PKD1: variants seen among roughly 807,000 people sequenced by gnomAD.
The protein encoded by PKD1 is polycystin 1, transient receptor potential channel interacting.
In PKD1, 81 loss-of-function variants were observed where a neutral mutation model predicts 361.7. The observed-to-expected ratio is 0.22, with a 90% CI of 0.19 to 0.27. The LOEUF (loss-of-function observed/expected upper bound fraction) is 0.27, where lower values mean the gene tolerates loss of function less well. Ranked by LOEUF, PKD1 falls within the 10% of genes least tolerant of loss-of-function variation. PKD1 has a pLI of 1.00. For missense variants in PKD1, 6,399 were observed against 6,118.3 expected, an observed-to-expected ratio of 1.05 and a Z score of -1.53; for synonymous variants, 3,615 against 2,818.3, an observed-to-expected ratio of 1.28 and a Z score of -8.95.
rs759320714 is a variant in PKD1 at position 2,105,958 on chromosome 16, C to T, written c.7770G>A (p.Gly2590=). The T allele has an allele frequency of 1.3e-6, 2 of 1,599,782 alleles. No individual in the cohort carries two copies. Among genetic ancestry groups the T allele is most frequent in the Non-Finnish European group, 1.7e-6 (2 of 1,179,586 alleles). ...SATGLTVWLH[G]LTASVLPGLL... is the part of the protein sequence containing the mutation. ...GCCCTGGGAGCACACTAGCGGTGAG[C>T]CCGTGCAGCCAGACTGTGAGCCCCG... The change falls in exon 20 of 46, where the codon GGG becomes GGA. Residue 2590 remains glycine (G), a synonymous_variant. Transcript: ENST00000262304.
chr16:2,129,539 TG>T (rs2092842988), intron 1 of PKD1, among the ~76,000 whole-genome samples: 1 of 141,654 alleles, frequency 7.1e-6, no homozygotes, highest in African/African-American at 2.7e-5. Context: ...TCAGATCCTG[TG>T]ATTTTTTTTT....
intron 1 of PKD1, among the ~76,000 whole-genome samples, chr16:2,124,850 C>T (rs1190795221): frequency 6.6e-6 from 1 of 152,208 alleles, no homozygotes; most frequent in Non-Finnish European, 1.5e-5. Flanking sequence ...GCTCCTCCCT[C>T]GGCAGGGGCA....
Position 2,094,192 on chromosome 16 carries a change from C to T in PKD1, c.10518G>A (p.Glu3506=). ...LLSSLSSTPG[E]KTETLALQRL... ...TCTGCAGCGCCAGCGTCTCTGTCTT[C>T]TCCCCAGGAGTGCTGGACCTGAGGG... Residue 3506 remains glutamate, a synonymous_variant, in exon 35 of 46, where the codon GAG becomes GAA. Coordinates refer to ENST00000262304, the MANE Select transcript of PKD1 (RefSeq NM_001009944.3). 2 of 1,604,964 alleles carry T rather than the reference C, an allele frequency of 1.2e-6. No individual in the cohort carries two copies. Among genetic ancestry groups the T allele is most frequent in the Non-Finnish European group, 8.5e-7 (1 of 1,174,298 alleles).
Position 2,093,854 on chromosome 16 carries a change from C to A in PKD1, c.10778G>T (p.Ser3593Ile), listed in dbSNP as rs767538034. The A allele has an allele frequency of 1.9e-6, 3 of 1,567,154 alleles. No homozygotes were observed. The highest frequency in any genetic ancestry group is 1.7e-6 in the Non-Finnish European group (2 of 1,162,298). ...GAGGAATGAGGCCAGGAAGCTGGCG[C>A]TGCTGGACAGGAGCCACGCAACACT... ...GVSVAWLLSSSASFLASFLGW... is the reference protein window; with the variant it reads ...GVSVAWLLSSIASFLASFLGW... The change falls in exon 36 of 46, where the codon AGC becomes ATC. Residue 3593 changes from serine to isoleucine, a missense_variant. Ser to Ile is a moderately radical substitution (Grantham distance 142, BLOSUM62 -2). Transcript: ENST00000262304.
chr16:2,125,407 G>A (rs2058475859), intron 1 of PKD1, among the ~76,000 whole-genome samples: 1 of 152,192 alleles, frequency 6.6e-6, no homozygotes, highest in Admixed American at 6.5e-5. Flanking sequence ...CACGGGGTGT[G>A]AGACTAGCTG....
rs766156519 is a variant in PKD1 at position 2,090,603 on chromosome 16, C to T, written c.12139-13G>A. 68 of 1,607,712 alleles carry T rather than the reference C, an allele frequency of 4.2e-5. 1 individual carries two copies. Among genetic ancestry groups the T allele is most frequent in the South Asian group, 6.6e-5 (6 of 91,004 alleles). ...AGGAAGACACGAGCTGCGGGGAAGG[C>T]GACACCAGTGAGGGCGTACAGCTGA... On this transcript the variant is annotated splice_polypyrimidine_tract_variant and intron_variant, in intron 44 of 45. Transcript: ENST00000262304.
intron 1 of PKD1, among the ~76,000 whole-genome samples, chr16:2,127,036 T>G (rs970934839): frequency 6.6e-6 from 1 of 151,772 alleles, no homozygotes; most frequent in African/African-American, 2.4e-5. Context: ...CTCATAGAGA[T>G]GCCCTGGCCT....
chr16:2,111,493 T>A lies in PKD1; in HGVS notation c.3674A>T (p.Gln1225Leu), dbSNP rs906653147. 2 of 1,611,046 alleles carry A rather than the reference T, an allele frequency of 1.2e-6. No homozygotes were observed. The highest frequency in any genetic ancestry group is 1.7e-6 in the Non-Finnish European group (2 of 1,179,344). ...LSVDMSLAVE[Q>L]GAPVVVSAAV... ...GGCGCTGACCACCACGGGGGCGCCC[T>A]GCTCCACGGCCAGGCTCATGTCCAC... The change falls in exon 15 of 46, where the codon CAG (glutamine) becomes CTG (leucine). Residue 1225 changes from glutamine (Q) to leucine (L), a missense_variant. Gln to Leu is a moderately radical substitution (Grantham distance 113). Transcript: ENST00000262304.
intron 34 of PKD1, chr16:2,095,508 C>G (rs949166818): frequency 6.6e-6 from 1 of 152,298 alleles, no homozygotes; most frequent in Non-Finnish European, 1.5e-5. Context: ...CTCTCGCTGG[C>G]AGAGACGGAG....
chr16:2,121,855 A>T (rs1335935549), intron 1 of PKD1, among the ~76,000 whole-genome samples: 1 of 152,112 alleles, frequency 6.6e-6, no homozygotes, highest in African/African-American at 2.4e-5. Context: ...CCTCCCCACG[A>T]GTGACCCAGC....
rs764356283 is a variant in PKD1, at chr16:2,110,291, C to T, written c.4876G>A (p.Val1626Ile). 30 of 1,612,514 alleles carry T rather than the reference C, an allele frequency of 1.9e-5. No individual in the cohort carries two copies. The highest frequency in any genetic ancestry group is 1.3e-4 in the East Asian group (6 of 44,892). The change falls in exon 15 of 46, where the codon GTC becomes ATC. Residue 1626 changes from valine to isoleucine, a missense_variant. Val to Ile is a conservative substitution (Grantham distance 29, BLOSUM62 3). Transcript: ENST00000262304. ...EVGSAQDSIF[V>I]YVLQLIEGLQ... Reference sequence around the variant, plus strand: ...CCCTCTATGAGCTGCAGGACATAGACGAAGATGCTGTCCTGGGCGGAGCCC... The same window carrying T: ...CCCTCTATGAGCTGCAGGACATAGATGAAGATGCTGTCCTGGGCGGAGCCC...
In PKD1 at chr16:2,097,974, C is replaced by A. The variant is rs1452197858; in HGVS notation, c.10061G>T (p.Ser3354Ile). Residue 3354 changes from serine to isoleucine, a missense_variant, in exon 31 of 46, where the codon AGC becomes ATC. Physicochemically the swap from Ser to Ile is moderately radical, Grantham distance 142 (BLOSUM62 -2). Coordinates refer to ENST00000262304, the MANE Select transcript of PKD1 (RefSeq NM_001009944.3). ...FRMSRSKVAG[S>I]PSPTPAGQQV... ...CTGCCCGGCAGGTGTGGGGCTCGGG[C>A]TCCCAGCCACCTGCAGGACGAGGGC... is the stretch of plus-strand genomic sequence containing the variant. 2 of 1,579,152 alleles carry A rather than the reference C, an allele frequency of 1.3e-6. No homozygotes were observed. Among genetic ancestry groups the A allele is most frequent in the Non-Finnish European group, 1.7e-6 (2 of 1,154,442 alleles).
intron 9 of PKD1, 84 bp from the exon 10 acceptor site, chr16:2,115,709 G>A: frequency 7.4e-7 from 1 of 1,353,646 alleles, no homozygotes; most frequent in South Asian, 1.2e-5. Context: ...CAGCAATCCT[G>A]GCCTTGCTGT....
At position 2,108,685 on chromosome 16, in the gene PKD1, A is replaced by G; in HGVS notation, c.6482T>C (p.Met2161Thr). Residue 2161 changes from methionine to threonine, a missense_variant, in exon 15 of 46, where the codon ATG becomes ACG. Met to Thr is a moderately conservative substitution (Grantham distance 81, BLOSUM62 -1). Transcript: ENST00000262304. ...VDVVLPLQVL[M>T]RRSQRNYLEA... Reference sequence around the variant, plus strand: ...CAAGTAGTTGCGCTGTGATCGCCGCATCAGCACCTGCAGGGGCAGGACCAC... The same window carrying G: ...CAAGTAGTTGCGCTGTGATCGCCGCGTCAGCACCTGCAGGGGCAGGACCAC... 6.4e-7 allele frequency: 1 copy of G among 1,569,234 alleles called. No individual in the cohort carries two copies. Among genetic ancestry groups the G allele is most frequent in the Non-Finnish European group, 8.6e-7 (1 of 1,158,000 alleles).
chr16:2,091,585 C>T lies in PKD1; in HGVS notation c.11550G>A (p.Val3850=), dbSNP rs1314167988. Residue 3850 remains valine (V), a synonymous_variant, in exon 42 of 46, where the codon GTG becomes GTA. Transcript: ENST00000262304. ...GGCTGTAGCGCGTGAGCTCCAGGAA[C>T]ACAGCGCGGCTCCTGCGCAGAGGGT... is the stretch of plus-strand genomic sequence containing the variant. ...HNWLDNRSRA[V]FLELTRYSPA... 5 of 1,554,386 alleles carry T rather than the reference C, an allele frequency of 3.2e-6. 1 individual carries two copies. The highest frequency in any genetic ancestry group is 2.3e-5 in the South Asian group (2 of 85,132).
At chr16:2,096,870 G>A in intron 34 of PKD1, 1 of 541,044 alleles carries the variant, frequency 1.8e-6, no homozygotes, top group Non-Finnish European at 3.3e-6. Flanking sequence ...CTGAGACCAA[G>A]ATAAAAACGT....
chr16:2,088,877 G>GCA lies in PKD1; in HGVS notation c.*849_*850insTG, dbSNP rs1469733350. 8 of 482,030 alleles carry GCA rather than the reference G, an allele frequency of 1.7e-5. No individual in the cohort carries two copies. Among genetic ancestry groups the GCA allele is most frequent in the African/African-American group, 8.7e-5 (3 of 34,464 alleles). 29.9% of individuals were successfully genotyped at this position (482,030 alleles called of 1,614,324 possible). ...CCATACAGCACACTCGCGCGTGCGC[G>GCA]CGCGCACACACACACACACACAGTC... On this transcript the variant is annotated 3_prime_UTR_variant, in exon 46 of 46. Transcript: ENST00000262304.
At chr16:2,093,185 T>C in intron 37 of PKD1, 92 bp from the exon 38 acceptor site, 4 of 1,485,238 alleles carry the variant, frequency 2.7e-6, no homozygotes, top group Non-Finnish European at 2.8e-6. Flanking sequence ...CTGCGGCAGG[T>C]GTGGCTGCAG....
Position 2,118,281 on chromosome 16 carries a change from G to A in PKD1, c.711C>T (p.Pro237=). ...QGWCLCGAAQ[P]SSASFACLSL... ...ACAGGCAGGCAAAGGAGGCACTGGA[G>A]GGCTGGGCCGCCCCACACAGGCACC... Residue 237 remains proline (P), a synonymous_variant, in exon 5 of 46, where the codon CCC becomes CCT. Coordinates refer to ENST00000262304, the MANE Select transcript of PKD1 (RefSeq NM_001009944.3). The surrounding 1 kb of genome is among the most constrained non-coding windows in gnomAD (Gnocchi z 6.0). 1 of 1,531,582 alleles carries A rather than the reference G, an allele frequency of 6.5e-7. No individual in the cohort carries two copies. Among genetic ancestry groups the A allele is most frequent in the South Asian group, 1.2e-5 (1 of 84,172 alleles). 94.9% of individuals were successfully genotyped at this position (1,531,582 alleles called of 1,614,324 possible).
Sources: allele counts gnomAD v4.1 joint callset (sites outside exome capture counted in the v4.1 genomes callset), GRCh38; gene constraint gnomAD v4.1.1; non-coding constraint Gnocchi (gnomAD v3.1); transcripts MANE v1.5; gene names NCBI Gene and HGNC (gene_info 2026-07-23, HGNC 2026-07-21).